KIF21A: variants seen among roughly 807,000 people sequenced by gnomAD.
KIF21A encodes the protein kinesin-like protein KIF21A.
KIF21A carries 114 observed loss-of-function variants against 202.9 expected under a neutral mutation model. The observed-to-expected ratio is 0.56, with a 90% CI of 0.48 to 0.66. The LOEUF is 0.66. Among genes scored for constraint, KIF21A ranks in the 30% least tolerant of loss-of-function variants. The pLI, the probability that KIF21A is intolerant of heterozygous loss-of-function variation, is 0.00. For missense variants in KIF21A, 1,677 were observed against 1,994.9 expected (o/e 0.84, Z 3.04); for synonymous variants, 667 against 670.8 (o/e 0.99, Z 0.09).
At chr12:39,339,905 A>G (rs1304443668) in intron 16 of KIF21A, among the ~76,000 whole-genome samples, 2 of 152,200 alleles carry the variant, frequency 1.3e-5, no homozygotes, top group South Asian at 2.1e-4. Flanking sequence ...TTAAGCTTGC[A>G]TAAGAGTTTT....
At chr12:39,350,644 A>G (rs535078143) in intron 11 of KIF21A, among the ~76,000 whole-genome samples, 60 of 152,138 alleles carry the variant, frequency 3.9e-4, no homozygotes, top group African/African-American at 1.3e-3. Context: ...TACATTTCTT[A>G]ATGCTGCCAT....
intron 27 of KIF21A, chr12:39,321,251 TTTAAAGTAAG>T (rs1329206890): frequency 4.4e-4 from 67 of 152,230 alleles, no homozygotes; most frequent in African/African-American, 1.6e-3. Context: ...TTATGAAAAC[TTTAAAGTAAG>T]TTATTTAGAG....
Position 39,356,064 on chromosome 12 carries a change from A to T in KIF21A, c.1469+768T>A, listed in dbSNP as rs185897176. ...GAACTACTTAGATGCTCCCCCATGGAGCTGACTGGGGTTTTCCTTCAAGAA... is the reference window on the plus strand; with the variant it reads ...GAACTACTTAGATGCTCCCCCATGGTGCTGACTGGGGTTTTCCTTCAAGAA... On this transcript the variant is annotated intron_variant, in intron 10 of 37. Coordinates refer to ENST00000361418, the MANE Select transcript of KIF21A (RefSeq NM_001173464.2). Among the ~76,000 whole-genome samples the T allele has an allele frequency of 2.7e-3, 411 of 152,304 alleles. 1 individual carries two copies. The highest frequency in any genetic ancestry group is 0.017 in the South Asian group (82 of 4,822).
intron 29 of KIF21A, 122 bp from the exon 30 acceptor site, chr12:39,316,092 G>T (rs1944508565): frequency 1.3e-6 from 1 of 757,832 alleles, no homozygotes. Flanking sequence ...TTCCTTCATA[G>T]TGCCCTGCTT....
intron 1 of KIF21A, among the ~76,000 whole-genome samples, chr12:39,437,171 G>A (rs187658017): frequency 4.6e-5 from 7 of 152,234 alleles, no homozygotes; most frequent in South Asian, 2.1e-4. Context: ...TAACTGCTAC[G>A]ATCATTTCTG....
rs767779686 is a variant in KIF21A, at chr12:39,319,980, A to G, written c.3705T>C (p.Ile1235=). The G allele has an allele frequency of 1.2e-6, 2 of 1,608,090 alleles. No individual in the cohort carries two copies. Among genetic ancestry groups the G allele is most frequent in the South Asian group, 2.2e-5 (2 of 90,468 alleles). Residue 1235 remains isoleucine (I), a synonymous_variant, in exon 28 of 38, where the codon ATT becomes ATC. Transcript: ENST00000361418. ...SRQSSLSEKK[I]PEPSPVTRRK... ...TCCTTGTTACAGGAGAAGGCTCTGG[A>G]ATTTTTTTTTCTGATAGAGATGACT...
chr12:39,363,827 G>A (rs527257665), intron 6 of KIF21A, among the ~76,000 whole-genome samples: 28 of 152,268 alleles, frequency 1.8e-4, no homozygotes, highest in African/African-American at 5.5e-4. Context: ...AGACCAACCC[G>A]ACCAACATGG....
In KIF21A at chr12:39,326,328, C is replaced by CA. The variant is rs71075059; in HGVS notation, c.3341-5dup. The CA allele has an allele frequency of 0.018, 28,642 of 1,604,164 alleles. 326 individuals are homozygous for CA. Among genetic ancestry groups the CA allele is most frequent in the Non-Finnish European group, 0.022 (25,225 of 1,171,548 alleles). ...TCAGTACTATCCTCTACATTTTCTA[C>CA]AAAAAAATGTTTAAAATGTAAGCAT... is the stretch of plus-strand genomic sequence containing the variant. On this transcript the variant is annotated splice_region_variant and splice_polypyrimidine_tract_variant and intron_variant, in intron 24 of 37. Transcript: ENST00000361418.
At chr12:39,369,676 C>T (rs1488199019) in intron 3 of KIF21A, 53 bp downstream of exon 3, 3 of 1,363,060 alleles carry the variant, frequency 2.2e-6, no homozygotes, top group East Asian at 4.6e-5. Context: ...ATCATAAACA[C>T]AGTCTATAAG....
At chr12:39,365,708 T>C (rs1053173269) in intron 6 of KIF21A, among the ~76,000 whole-genome samples, 2 of 152,234 alleles carry the variant, frequency 1.3e-5, no homozygotes, top group African/African-American at 4.8e-5. Flanking sequence ...ACCCATGAAA[T>C]AACTTAATAT....
chr12:39,385,369 G>A (rs568845157), intron 1 of KIF21A, among the ~76,000 whole-genome samples: 12 of 152,124 alleles, frequency 7.9e-5, no homozygotes, highest in African/African-American at 2.9e-4. Flanking sequence ...GGATGCTAAT[G>A]GATATGAACA....
At chr12:39,307,209 A>G (rs1001341136) in intron 34 of KIF21A, among the ~76,000 whole-genome samples, 1 of 152,174 alleles carries the variant, frequency 6.6e-6, no homozygotes, top group African/African-American at 2.4e-5. Context: ...TGTTTAAACG[A>G]TGTTGCAAGA....
intron 7 of KIF21A, among the ~76,000 whole-genome samples, chr12:39,362,378 T>A (rs1196747319): frequency 6.6e-6 from 1 of 152,206 alleles, no homozygotes; most frequent in Non-Finnish European, 1.5e-5. Context: ...TTGCAAACAC[T>A]GTAAAATAGA....
chr12:39,364,379 C>T (rs1949457947), intron 6 of KIF21A, among the ~76,000 whole-genome samples: 1 of 152,178 alleles, frequency 6.6e-6, no homozygotes, highest in Non-Finnish European at 1.5e-5. Context: ...AAAGCAATGG[C>T]TTTTGTCTTT....
At chr12:39,332,093 A>G (rs1293413916) in intron 21 of KIF21A, 121 bp downstream of exon 21, 1 of 899,448 alleles carries the variant, frequency 1.1e-6, no homozygotes, top group Non-Finnish European at 1.8e-6. Flanking sequence ...GTAAAACCTA[A>G]GCATTAGATT....
chr12:39,303,193 T>C (rs1019261151), intron 35 of KIF21A, 58 bp from the exon 36 acceptor site: 2 of 1,446,356 alleles, frequency 1.4e-6, no homozygotes, highest in South Asian at 1.2e-5. Context: ...ACACCAATAT[T>C]TGTACAGTCC....
chr12:39,354,780 C>T (rs958115646), intron 10 of KIF21A, among the ~76,000 whole-genome samples: 2 of 152,066 alleles, frequency 1.3e-5, no homozygotes, highest in African/African-American at 4.8e-5. Flanking sequence ...CCTAAATATT[C>T]GTAACACTTT....
chr12:39,331,539 C>T (rs376212446), intron 22 of KIF21A, 151 bp downstream of exon 22: 9 of 643,148 alleles, frequency 1.4e-5, no homozygotes, highest in African/African-American at 1.3e-4. Flanking sequence ...CTTACTCTTC[C>T]TGACTCTAAA....
At chr12:39,433,664 T>A (rs1393406755) in intron 1 of KIF21A, among the ~76,000 whole-genome samples, 1 of 152,180 alleles carries the variant, frequency 6.6e-6, no homozygotes, top group African/African-American at 2.4e-5. Context: ...ACAAAGTATA[T>A]GCTAGTAACT....
Sources: gnomAD v4.1 joint callset for allele counts (sites outside exome capture counted in the v4.1 genomes callset) on GRCh38, gnomAD v4.1.1 for gene constraint, MANE v1.5 for transcripts, NCBI Gene and HGNC (gene_info 2026-07-23, HGNC 2026-07-21) for gene names.